The following DEPDC7 variants were observed in gnomAD, a reference collection of about 807,000 sequenced individuals.
The protein encoded by DEPDC7 is DEP domain-containing protein 7.
In DEPDC7, 41 loss-of-function variants were observed where a neutral mutation model predicts 56.6. That is an observed-to-expected ratio of 0.72 (90% CI 0.56 to 0.94). DEPDC7 has a LOEUF of 0.94. DEPDC7 is among the 40% of genes least tolerant of loss of function. DEPDC7 has a pLI of 0.00. For synonymous variants in DEPDC7, 185 were observed against 208.8 expected (o/e 0.89, Z 0.98); for missense variants, 522 against 596.3 (o/e 0.88, Z 1.30).
Position 33,025,753 on chromosome 11 carries a change from G to C in DEPDC7, c.168G>C (p.Arg56Ser), listed in dbSNP as rs768643664. The part of the protein sequence containing the change: ...LQTQVEVKKR[R>S]HRLKRHNDCF... ...CACAAGTGGAAGTGAAAAAACGAAG[G>C]CACCGTTTAAAACGACATAATGACT... The change falls in exon 2 of 9, where the codon AGG becomes AGC. Residue 56 changes from arginine to serine, a missense_variant. Coordinates refer to ENST00000241051, the MANE Select transcript of DEPDC7 (RefSeq NM_001077242.2). 1.2e-6 allele frequency: 2 copies of C among 1,614,160 alleles called. No individual in the cohort carries two copies. Among genetic ancestry groups the C allele is most frequent in the Admixed American group, 1.7e-5 (1 of 60,026 alleles).
intron 1 of DEPDC7, among the ~76,000 whole-genome samples, chr11:33,021,601 AC>A (rs1402150024): frequency 1.3e-5 from 2 of 152,224 alleles, no homozygotes; most frequent in African/African-American, 4.8e-5. Context: ...TGGCACATTT[AC>A]TTGTCAAGTC....
chr11:33,025,068 T>C (rs527390471), intron 1 of DEPDC7, among the ~76,000 whole-genome samples: 51 of 152,172 alleles, frequency 3.4e-4, no homozygotes, highest in Non-Finnish European at 6.0e-4. Flanking sequence ...TCCTACTTGA[T>C]GTGTCCTCCT....
chr11:33,022,768 T>TG (rs1297626436), intron 1 of DEPDC7, among the ~76,000 whole-genome samples: 1 of 152,172 alleles, frequency 6.6e-6, no homozygotes, highest in Non-Finnish European at 1.5e-5. Flanking sequence ...GCCTCATTCT[T>TG]GCTCTGTTCA....
intron 1 of DEPDC7, among the ~76,000 whole-genome samples, chr11:33,022,858 G>C (rs1009322885): frequency 2.0e-5 from 3 of 152,256 alleles, no homozygotes; most frequent in Non-Finnish European, 4.4e-5. Context: ...TTCAGTTCCT[G>C]AAATAGCTCA....
intron 5 of DEPDC7, among the ~76,000 whole-genome samples, chr11:33,031,880 A>C (rs1004808133): frequency 6.6e-6 from 1 of 152,172 alleles, no homozygotes; most frequent in Non-Finnish European, 1.5e-5. Context: ...TATCAGCACC[A>C]CCATTACTCC....
chr11:33,032,877 CTT>C lies in DEPDC7; in HGVS notation c.1264-8_1264-7del. 1 of 1,596,482 alleles carries C rather than the reference CTT, an allele frequency of 6.3e-7. No homozygotes were observed. Among genetic ancestry groups the C allele is most frequent in the Non-Finnish European group, 8.5e-7 (1 of 1,172,540 alleles). On this transcript the variant is annotated splice_polypyrimidine_tract_variant and intron_variant, in intron 7 of 8. Coordinates refer to ENST00000241051, the MANE Select transcript of DEPDC7 (RefSeq NM_001077242.2). ...ATTTGAATAATGTCCCATGTCCCTT[CTT>C]TTTCTTAAGATTCCTGGAACTCTAC...
chr11:33,021,962 A>G lies in DEPDC7; in HGVS notation c.74-3697A>G, dbSNP rs142600157. Reference sequence around the variant, plus strand: ...TCATTGAGGCCAAATATCCCCTCTCACCGCCCTCTTCAGCTGTCTTACTGA... The same window carrying G: ...TCATTGAGGCCAAATATCCCCTCTCGCCGCCCTCTTCAGCTGTCTTACTGA... On this transcript the variant is annotated intron_variant, in intron 1 of 8. Transcript: ENST00000241051. Among the ~76,000 whole-genome samples the G allele has an allele frequency of 2.5e-3, 383 of 152,206 alleles. 1 individual carries two copies. The highest frequency in any genetic ancestry group is 7.9e-3 in the South Asian group (38 of 4,808).
In DEPDC7 at chr11:33,032,971, A is replaced by G; in HGVS notation, c.1342+4A>G. 6.4e-7 allele frequency: 1 copy of G among 1,558,804 alleles called. No individual in the cohort carries two copies. The highest frequency in any genetic ancestry group is 8.7e-7 in the Non-Finnish European group (1 of 1,146,918). ...AGAGATCCAAATAGAGATGCAGGTAATCTGAGAAATATTATTTTCATGATC... is the reference window on the plus strand; with the variant it reads ...AGAGATCCAAATAGAGATGCAGGTAGTCTGAGAAATATTATTTTCATGATC... On this transcript the variant is annotated splice_donor_region_variant and intron_variant, in intron 8 of 8. Transcript: ENST00000241051.
Position 33,015,878 on chromosome 11 carries a change from A to G in DEPDC7, c.-78A>G. The G allele has an allele frequency of 7.1e-7, 1 of 1,400,954 alleles. No homozygotes were observed. The highest frequency in any genetic ancestry group is 9.7e-7 in the Non-Finnish European group (1 of 1,033,114). 86.8% of individuals were successfully genotyped at this position (1,400,954 alleles called of 1,614,324 possible). On this transcript the variant is annotated 5_prime_UTR_variant, in exon 1 of 9. Transcript: ENST00000241051. ...GGGCCTGCAGGGAGCCACGCCCCGC[A>G]CAGTTAACAGACGGGCGCTCAGGGA...
At chr11:33,024,427 AATGTGT>A (rs1853553722) in intron 1 of DEPDC7, among the ~76,000 whole-genome samples, 1 of 152,078 alleles carries the variant, frequency 6.6e-6, no homozygotes, top group Non-Finnish European at 1.5e-5. Context: ...TGTGTGTATC[AATGTGT>A]ATGTGTGTGT....
chr11:33,033,078 T>G (rs1378413167), intron 8 of DEPDC7, 111 bp downstream of exon 8: 37 of 1,010,928 alleles, frequency 3.7e-5, no homozygotes, highest in Non-Finnish European at 5.2e-5. Flanking sequence ...ATTTAAAACA[T>G]TCTCCTCAGA....
chr11:33,020,822 C>A (rs1853516083), intron 1 of DEPDC7, among the ~76,000 whole-genome samples: 1 of 152,208 alleles, frequency 6.6e-6, no homozygotes, highest in Admixed American at 6.5e-5. Flanking sequence ...AGACCTGAAA[C>A]TAACCTAAAA....
intron 4 of DEPDC7, among the ~76,000 whole-genome samples, chr11:33,029,465 C>A (rs1022199785): frequency 7.3e-6 from 1 of 137,928 alleles, no homozygotes; most frequent in African/African-American, 2.8e-5. Flanking sequence ...GCATTCCAGC[C>A]TAGGTGACAG....
intron 3 of DEPDC7, 44 bp from the exon 4 acceptor site, chr11:33,028,559 A>T (rs1487454980): frequency 1.4e-6 from 2 of 1,466,814 alleles, no homozygotes; most frequent in East Asian, 2.3e-5. Flanking sequence ...AGCATATAGT[A>T]ACTATTAATT....
At chr11:33,029,245 C>A (rs546363253) in intron 4 of DEPDC7, among the ~76,000 whole-genome samples, 1 of 151,552 alleles carries the variant, frequency 6.6e-6, no homozygotes, top group African/African-American at 2.4e-5. Context: ...TGCCTGTAAT[C>A]CTAGCACTTT....
intron 1 of DEPDC7, among the ~76,000 whole-genome samples, chr11:33,020,202 AATT>A (rs544265911): frequency 1.8e-3 from 280 of 152,188 alleles, no homozygotes; most frequent in African/African-American, 5.6e-3. Context: ...ATTTTTAGGG[AATT>A]ATTATGACTC....
chr11:33,033,313 A>G lies in DEPDC7; in HGVS notation c.1394A>G (p.Glu465Gly). 1 of 1,607,996 alleles carries G rather than the reference A, an allele frequency of 6.2e-7. No homozygotes were observed. The highest frequency in any genetic ancestry group is 8.5e-7 in the Non-Finnish European group (1 of 1,178,268). The change falls in exon 9 of 9, where the codon GAG (glutamate) becomes GGG (glycine). Residue 465 changes from glutamate (E) to glycine (G), a missense_variant. Glu to Gly is a moderately conservative substitution (Grantham distance 98). Coordinates refer to ENST00000241051, the MANE Select transcript of DEPDC7 (RefSeq NM_001077242.2). ...IDQRDYSNNTEKTTKDELLNL... is the reference protein window; with the variant it reads ...IDQRDYSNNTGKTTKDELLNL... ...CAACGTGACTATTCCAACAATACAGAGAAGACAACCAAAGATGAGCTGTTG... is the reference window on the plus strand; with the variant it reads ...CAACGTGACTATTCCAACAATACAGGGAAGACAACCAAAGATGAGCTGTTG...
chr11:33,023,008 G>A (rs541939810), intron 1 of DEPDC7, among the ~76,000 whole-genome samples: 5 of 152,120 alleles, frequency 3.3e-5, no homozygotes, highest in Middle Eastern at 3.4e-3. Flanking sequence ...GGTGGATCAC[G>A]AGGTCAGGAG....
intron 4 of DEPDC7, among the ~76,000 whole-genome samples, chr11:33,029,739 A>C (rs2133666471): frequency 6.6e-6 from 1 of 152,332 alleles, no homozygotes; most frequent in South Asian, 2.1e-4. Context: ...ATAGTGTTCC[A>C]GTCTAATTAA....
Sources: allele counts gnomAD v4.1 joint callset (sites outside exome capture counted in the v4.1 genomes callset), GRCh38; gene constraint gnomAD v4.1.1; transcripts MANE v1.5; gene names NCBI Gene and HGNC (gene_info 2026-07-23, HGNC 2026-07-21).